The following NECAP1 variants were observed in gnomAD, a reference collection of about 807,000 sequenced individuals.
NECAP1 encodes NECAP endocytosis associated 1.
Under a neutral mutation model 33.4 loss-of-function variants are expected in NECAP1, and 13 were observed. That is an observed-to-expected ratio of 0.39 (90% CI 0.25 to 0.62). The LOEUF (loss-of-function observed/expected upper bound fraction) is 0.62. Ranked by LOEUF, NECAP1 falls within the 20% of genes least tolerant of loss-of-function variation. The pLI is 0.52. For missense variants in NECAP1, 272 were observed against 347.4 expected, an observed-to-expected ratio of 0.78 and a Z score of 1.73; for synonymous variants, 109 against 125.2, an observed-to-expected ratio of 0.87 and a Z score of 0.86.
chr12:8,091,881 T>C (rs1251004891), intron 4 of NECAP1, 31 bp downstream of exon 4: 5 of 1,572,448 alleles, frequency 3.2e-6, no homozygotes, highest in Non-Finnish European at 3.5e-6. Flanking sequence ...GTTACGAGGC[T>C]GAATGCTTAT....
rs997290753 is a variant in NECAP1 at position 8,091,408 on chromosome 12, C to T, written c.302-361C>T. ...ACAACTCACTATAATGTAGAATCAGCGGGAGCCTTGGGCTTGTTTTCCTGC... is the reference window on the plus strand; with the variant it reads ...ACAACTCACTATAATGTAGAATCAGTGGGAGCCTTGGGCTTGTTTTCCTGC... On this transcript the variant is annotated intron_variant, in intron 3 of 7. Transcript: ENST00000339754. The T allele has an allele frequency of 4.9e-5, 13 of 267,088 alleles. No individual in the cohort carries two copies. In the South Asian group the frequency reaches 5.8e-4, roughly 12 times the overall value. The allele number at this position is 267,088 out of a possible 1,614,324, so 16.5% of individuals were successfully genotyped here. A position where few individuals can be genotyped will look rare whatever the true frequency, so the allele number is the denominator to read the frequency against.
rs1228718131 is a variant in NECAP1, at chr12:8,096,239, TGGTTTATGTCACTCCCCTGTGTTGTTAC to T, written c.*150_*177del. 1.3e-6 allele frequency: 1 copy of T among 768,194 alleles called. No individual in the cohort carries two copies. The highest frequency in any genetic ancestry group is 2.1e-6 in the Non-Finnish European group (1 of 477,984). 47.6% of individuals were successfully genotyped at this position (768,194 alleles called of 1,614,324 possible). On this transcript the variant is annotated 3_prime_UTR_variant, in exon 8 of 8. Coordinates refer to ENST00000339754, the MANE Select transcript of NECAP1 (RefSeq NM_015509.4). ...CATAGCTTCTCCATCACATTCAAGC[TGGTTTATGTCACTCCCCTGTGTTGTTAC>T]TTGTACAGCCAAGAAAGTATCTGTT...
intron 7 of NECAP1, 106 bp from the exon 8 acceptor site, chr12:8,095,936 G>A: frequency 3.6e-6 from 5 of 1,407,110 alleles, no homozygotes; most frequent in South Asian, 1.2e-5. Context: ...CATGAAGTGT[G>A]GTTTTGGAAA....
rs776741163 is a variant in NECAP1 at position 8,083,874 on chromosome 12, G to C, written c.95+1491G>C. ...CCTACCTCAGCCTCCCAAGTTGCTA[G>C]GGCTACAGGCATTGCCTCACAATGC... On this transcript the variant is annotated intron_variant, in intron 1 of 7. Transcript: ENST00000339754. 4.0e-5 allele frequency among the ~76,000 whole-genome samples: 6 copies of C among 151,868 alleles called. No homozygotes were observed. The South Asian group carries it at 1.2e-3, about 32-fold the overall frequency.
intron 1 of NECAP1, 36 bp downstream of exon 1, chr12:8,082,419 C>G (rs1486590727): frequency 1.9e-6 from 3 of 1,573,994 alleles, no homozygotes; most frequent in Non-Finnish European, 2.6e-6. Flanking sequence ...CACGCGTACT[C>G]TGTCGCAGAT....
At chr12:8,091,711 T>C (rs1316822426) in intron 3 of NECAP1, 58 bp from the exon 4 acceptor site, 5 of 1,508,508 alleles carry the variant, frequency 3.3e-6, no homozygotes, top group South Asian at 1.1e-5. Context: ...GTGCCGGGGG[T>C]TGGGGGCTCC....
intron 6 of NECAP1, chr12:8,093,769 A>G (rs372242522): frequency 2.6e-5 from 4 of 152,150 alleles, no homozygotes; most frequent in East Asian, 3.9e-4. Context: ...AAATAAATAG[A>G]TAAAATAAAA....
At position 8,092,034 on chromosome 12, in the gene NECAP1, C is replaced by G. The variant is rs1352347177; in HGVS notation, c.383+184C>G. ...TCTTTGTATCTATTCTGTTTCCTTT[C>G]CTTATAGCCTGCAATATATTTCAGA... On this transcript the variant is annotated intron_variant, in intron 4 of 7. Coordinates refer to ENST00000339754, the MANE Select transcript of NECAP1 (RefSeq NM_015509.4). 13 of 590,206 alleles carry G rather than the reference C, an allele frequency of 2.2e-5. No homozygotes were observed. In the Admixed American group the frequency reaches 2.4e-4, roughly 11 times the overall value. The allele number at this position is 590,206 out of a possible 1,614,324, so 36.6% of individuals were successfully genotyped here.
At chr12:8,091,715 G>C in intron 3 of NECAP1, 54 bp from the exon 4 acceptor site, 2 of 1,541,648 alleles carry the variant, frequency 1.3e-6, no homozygotes, top group Non-Finnish European at 1.8e-6. Context: ...CGGGGGTTGG[G>C]GGCTCCTGCC....
chr12:8,083,515 C>T (rs760097847), intron 1 of NECAP1, among the ~76,000 whole-genome samples: 3 of 148,698 alleles, frequency 2.0e-5, no homozygotes, highest in East Asian at 2.0e-4. Context: ...CTGCAACCTC[C>T]GCCTCCTGGG....
chr12:8,091,933 C>T, intron 4 of NECAP1, 83 bp downstream of exon 4: 1 of 1,179,726 alleles, frequency 8.5e-7, no homozygotes, highest in Admixed American at 2.1e-5. Flanking sequence ...ATCTCTTTTC[C>T]TCCTGGTTTC....
rs745618658 is a variant in NECAP1 at position 8,096,158 on chromosome 12, A to C, written c.*68A>C. 27 of 1,506,740 alleles carry C rather than the reference A, an allele frequency of 1.8e-5. No homozygotes were observed. The African/African-American group carries it at 3.2e-4, about 18-fold the overall frequency. The allele number at this position is 1,506,740 out of a possible 1,614,324, so 93.3% of individuals were successfully genotyped here. On this transcript the variant is annotated 3_prime_UTR_variant, in exon 8 of 8. Transcript: ENST00000339754. ...ATGACCTTGAGGGCACCAATCTGTG[A>C]GGGAAGTTAGGAACCCATTTCCTCC... is the stretch of plus-strand genomic sequence containing the variant.
rs895008901 is a variant in NECAP1 at position 8,089,893 on chromosome 12, A to C, written c.96-43A>C. On this transcript the variant is annotated intron_variant, in intron 1 of 7. Coordinates refer to ENST00000339754, the MANE Select transcript of NECAP1 (RefSeq NM_015509.4). Reference sequence around the variant, plus strand: ...CAAAGATTGTGGGTGGGCGTTAGTAAATTAAGGACATGTGCCTGAGGCTTC... The same window carrying C: ...CAAAGATTGTGGGTGGGCGTTAGTACATTAAGGACATGTGCCTGAGGCTTC... 3 of 1,460,842 alleles carry C rather than the reference A, an allele frequency of 2.1e-6. No individual in the cohort carries two copies. The African/African-American group carries it at 4.2e-5, about 20-fold the overall frequency. 90.5% of individuals were successfully genotyped at this position (1,460,842 alleles called of 1,614,324 possible). A position where few individuals can be genotyped will look rare whatever the true frequency, so the allele number is the denominator to read the frequency against.
At chr12:8,093,095 T>C (rs754301251) in intron 6 of NECAP1, 40 bp downstream of exon 6, 6 of 1,584,454 alleles carry the variant, frequency 3.8e-6, no homozygotes, top group East Asian at 2.2e-5. Context: ...TCCAATCTTA[T>C]GTTTTAATTA....
At chr12:8,083,729 G>GT (rs71042329) in intron 1 of NECAP1, among the ~76,000 whole-genome samples, 4,167 of 91,182 alleles carry the variant, frequency 0.046, 317 homozygotes, top group African/African-American at 0.14. Flanking sequence ...CCCAGCCGTC[G>GT]TTTTTTTTTT....
At chr12:8,094,067 TTTAAC>T (rs1433514022) in intron 6 of NECAP1, among the ~76,000 whole-genome samples, 2 of 152,206 alleles carry the variant, frequency 1.3e-5, no homozygotes, top group African/African-American at 2.4e-5. Flanking sequence ...ATCTGAGAAT[TTTAAC>T]TTAATGTATT....
intron 1 of NECAP1, among the ~76,000 whole-genome samples, chr12:8,085,667 G>A (rs1021419476): frequency 1.4e-4 from 21 of 146,512 alleles, no homozygotes; most frequent in African/African-American, 5.3e-4. Context: ...TACCTTGTAG[G>A]ATCCTCTCAC....
chr12:8,095,949 C>A, intron 7 of NECAP1, 93 bp from the exon 8 acceptor site: 1 of 1,496,334 alleles, frequency 6.7e-7, no homozygotes, highest in South Asian at 1.2e-5. Flanking sequence ...TTTGGAAATT[C>A]TAGGCAGTGA....
chr12:8,084,771 A>T (rs1947472645), intron 1 of NECAP1, among the ~76,000 whole-genome samples: 1 of 152,188 alleles, frequency 6.6e-6, no homozygotes, highest in South Asian at 2.1e-4. Flanking sequence ...TCCAGGCTAG[A>T]CTGTGAACAA....
Sources: allele counts gnomAD v4.1 joint callset (sites outside exome capture counted in the v4.1 genomes callset), GRCh38; gene constraint gnomAD v4.1.1; transcripts MANE v1.5; gene names NCBI Gene and HGNC (gene_info 2026-07-23, HGNC 2026-07-21).